PIR: variants seen among roughly 807,000 people sequenced by gnomAD.
The protein encoded by PIR is pirin.
Under a neutral mutation model 24.2 loss-of-function variants are expected in PIR, and 22 were observed. The observed-to-expected ratio is 0.91, with a 90% CI of 0.65 to 1.30. The LOEUF is 1.30. Ranked by LOEUF, PIR falls within the 50% of genes most tolerant of loss-of-function variation. PIR has a pLI of 0.00. For missense variants in PIR, 220 were observed against 220.3 expected (o/e 1.00, Z 0.01); for synonymous variants, 80 against 79.6 (o/e 1.00, Z -0.03).
At chrX:15,397,356 A>G in intron 8 of PIR, 93 bp downstream of exon 8, 9 of 605,815 alleles carry the variant, frequency 1.5e-5, no homozygotes, top group Non-Finnish European at 2.6e-5. Flanking sequence ...AGGAAGAGAG[A>G]AAAACTTTCA....
At chrX:15,454,500 A>C (rs1376538405) in intron 5 of PIR, among the ~76,000 whole-genome samples, 2 of 110,482 alleles carry the variant, frequency 1.8e-5, no homozygotes, top group Admixed American at 9.7e-5. Flanking sequence ...AAAAAACAAA[A>C]ATAAAAACGG....
chrX:15,424,498 C>T (rs941741465), intron 6 of PIR, among the ~76,000 whole-genome samples: 3 of 111,522 alleles, frequency 2.7e-5, no homozygotes, highest in South Asian at 3.7e-4. Flanking sequence ...ATCAGTAGGA[C>T]GACTATTGTT....
intron 3 of PIR, among the ~76,000 whole-genome samples, chrX:15,472,178 C>T (rs891460973): frequency 2.7e-5 from 3 of 111,412 alleles, no homozygotes; most frequent in East Asian, 2.8e-4. Flanking sequence ...GGCTGGTATG[C>T]GAAGAAGAAA....
chrX:15,454,615 A>C (rs1006119981), intron 5 of PIR, among the ~76,000 whole-genome samples: 1 of 111,978 alleles, frequency 8.9e-6, no homozygotes, highest in Non-Finnish European at 1.9e-5. Context: ...GTGGTTGGTT[A>C]GTAGCCACTG....
At chrX:15,488,467 G>C (rs1040548490) in intron 2 of PIR, among the ~76,000 whole-genome samples, 5 of 110,416 alleles carry the variant, frequency 4.5e-5, no homozygotes, top group Non-Finnish European at 9.5e-5. Context: ...AAATTCACGA[G>C]TAAGAGAATA....
In PIR at chrX:15,456,068, A is replaced by G. The variant is rs1314303991; in HGVS notation, c.274-14T>C. ...CGCAGTCATCCACTGCAAACACAAAACCAACAAGAGGGAAATGTAACCAAG... is the reference window on the plus strand; with the variant it reads ...CGCAGTCATCCACTGCAAACACAAAGCCAACAAGAGGGAAATGTAACCAAG... On this transcript the variant is annotated splice_polypyrimidine_tract_variant and intron_variant, in intron 4 of 9. Coordinates refer to ENST00000380420, the MANE Select transcript of PIR (RefSeq NM_001018109.3). The G allele has an allele frequency of 8.4e-7, 1 of 1,193,227 alleles. No individual in the cohort carries two copies.
intron 5 of PIR, among the ~76,000 whole-genome samples, chrX:15,442,665 T>G (rs1367780409): frequency 8.9e-6 from 1 of 111,900 alleles, no homozygotes; most frequent in Non-Finnish European, 1.9e-5. Context: ...ACAGCCTAAT[T>G]GCTGATATGG....
intron 5 of PIR, among the ~76,000 whole-genome samples, chrX:15,453,823 ACT>A (rs1176620989): frequency 9.0e-6 from 1 of 111,575 alleles, no homozygotes; most frequent in African/African-American, 3.3e-5. Context: ...GTAGTTGTAA[ACT>A]CTAAGGATTC....
intron 8 of PIR, among the ~76,000 whole-genome samples, chrX:15,390,999 T>C (rs1398872601): frequency 9.0e-6 from 1 of 111,629 alleles, no homozygotes; most frequent in Non-Finnish European, 1.9e-5. Flanking sequence ...GATCCAGTAA[T>C]GACAGTTTTA....
intron 4 of PIR, among the ~76,000 whole-genome samples, chrX:15,456,581 T>G (rs1028275916): frequency 1.8e-5 from 2 of 112,245 alleles, no homozygotes; most frequent in African/African-American, 3.2e-5. Context: ...CTGTGGGCCA[T>G]CCCCAGGTGG....
At chrX:15,421,029 T>C (rs1032528441) in intron 6 of PIR, among the ~76,000 whole-genome samples, 3 of 111,530 alleles carry the variant, frequency 2.7e-5, no homozygotes, top group African/African-American at 9.8e-5. Context: ...TGGAGAAAAA[T>C]ACAGCAAGAT....
At chrX:15,414,845 A>G (rs753962523) in intron 6 of PIR, among the ~76,000 whole-genome samples, 134 of 111,251 alleles carry the variant, frequency 1.2e-3, no homozygotes, top group Non-Finnish European at 2.1e-3. Flanking sequence ...GTAAAATATG[A>G]AAAAAAATAC....
chrX:15,480,240 T>C (rs1469857046), intron 2 of PIR, among the ~76,000 whole-genome samples: 1 of 110,561 alleles, frequency 9.0e-6, no homozygotes, highest in Non-Finnish European at 1.9e-5. Context: ...CCACCATGAA[T>C]GTGAGGCCTC....
chrX:15,465,444 C>A (rs1025008870), intron 3 of PIR, among the ~76,000 whole-genome samples: 1 of 112,054 alleles, frequency 8.9e-6, no homozygotes, highest in Non-Finnish European at 1.9e-5. Context: ...AGAGTTGACA[C>A]AATCCAGATG....
chrX:15,488,278 CAAAAAAA>C lies in PIR; in HGVS notation c.96+2877_96+2883del, dbSNP rs1184870069. 5.6e-4 allele frequency among the ~76,000 whole-genome samples: 18 copies of C among 31,933 alleles called. No homozygotes were observed. In the East Asian group the frequency reaches 7.6e-3, roughly 14 times the overall value. 27.7% of individuals were successfully genotyped at this position (31,933 alleles called of 115,157 possible). ...GGGCAACAAGAGCGAAACTCCGTCT[CAAAAAAA>C]AAAAAAAAAAAAAAAGAAAAGAAAG... On this transcript the variant is annotated intron_variant, in intron 2 of 9. Coordinates refer to ENST00000380420, the MANE Select transcript of PIR (RefSeq NM_001018109.3).
intron 2 of PIR, among the ~76,000 whole-genome samples, chrX:15,488,844 G>A (rs2147091580): frequency 9.0e-6 from 1 of 111,296 alleles, no homozygotes; most frequent in Admixed American, 9.5e-5. Context: ...GAACTCAGAG[G>A]GGTTGTAAAC....
At position 15,413,526 on chromosome X, in the gene PIR, G is replaced by A. The variant is rs765112225; in HGVS notation, c.566-5976C>T. Among the ~76,000 whole-genome samples, 4 of 111,769 alleles carry A rather than the reference G, an allele frequency of 3.6e-5. No homozygotes were observed. The South Asian group carries it at 1.1e-3, about 31-fold the overall frequency. On this transcript the variant is annotated intron_variant, in intron 6 of 9. Coordinates refer to ENST00000380420, the MANE Select transcript of PIR (RefSeq NM_001018109.3). Reference sequence around the variant, plus strand: ...ATCATACAGCAAGTAACAGCTCACCGTAAGATCTACTAGCTTGCCAAGAAT... The same window carrying A: ...ATCATACAGCAAGTAACAGCTCACCATAAGATCTACTAGCTTGCCAAGAAT...
intron 3 of PIR, 36 bp downstream of exon 3, chrX:15,479,693 A>G: frequency 1.4e-6 from 1 of 704,078 alleles, no homozygotes; most frequent in Non-Finnish European, 2.1e-6. Flanking sequence ...GTATGTTTCA[A>G]AATACACACT....
At chrX:15,399,730 T>C (rs751203266) in intron 7 of PIR, among the ~76,000 whole-genome samples, 19 of 111,663 alleles carry the variant, frequency 1.7e-4, no homozygotes, top group African/African-American at 5.5e-4. Context: ...TTACTTAAAA[T>C]TTAGAGCAGG....
Sources: gnomAD v4.1 joint callset for allele counts (sites outside exome capture counted in the v4.1 genomes callset) on GRCh38, gnomAD v4.1.1 for gene constraint, MANE v1.5 for transcripts, NCBI Gene and HGNC (gene_info 2026-07-23, HGNC 2026-07-21) for gene names.